The following NEGR1 variants were observed in gnomAD, a reference collection of about 807,000 sequenced individuals.
NEGR1 encodes neuronal growth regulator 1.
Under a neutral mutation model 40.9 loss-of-function variants are expected in NEGR1, and 10 were observed. That is an observed-to-expected ratio of 0.24 (90% CI 0.15 to 0.42). NEGR1 has a LOEUF of 0.42. Among genes scored for constraint, NEGR1 ranks in the 10% least tolerant of loss-of-function variants. NEGR1 has a pLI of 1.00. For missense variants in NEGR1, 352 were observed against 438.9 expected (o/e 0.80, Z 1.77); for synonymous variants, 185 against 166.8 (o/e 1.11, Z -0.84).
At chr1:71,853,578 T>TA (rs1006030872) in intron 2 of NEGR1, among the ~76,000 whole-genome samples, 2 of 151,710 alleles carry the variant, frequency 1.3e-5, no homozygotes, top group Non-Finnish European at 2.9e-5. Flanking sequence ...TCAGAGTAGT[T>TA]AAAAAAAAGG....
chr1:72,009,026 A>C (rs1048789573), intron 1 of NEGR1, among the ~76,000 whole-genome samples: 2 of 151,908 alleles, frequency 1.3e-5, no homozygotes, highest in Admixed American at 1.3e-4. Flanking sequence ...AAAAGAAAGA[A>C]AGAAGGGGGA....
At chr1:71,980,949 A>C (rs1646349326) in intron 1 of NEGR1, among the ~76,000 whole-genome samples, 1 of 152,070 alleles carries the variant, frequency 6.6e-6, no homozygotes, top group Non-Finnish European at 1.5e-5. Context: ...TGATCCCTTC[A>C]AAAAAGTTTT....
intron 6 of NEGR1, among the ~76,000 whole-genome samples, chr1:71,485,667 C>T (rs1308506227): frequency 1.3e-5 from 2 of 151,618 alleles, no homozygotes; most frequent in African/African-American, 4.8e-5. Context: ...TCTAGAATGA[C>T]ATATAGTAGG....
intron 6 of NEGR1, among the ~76,000 whole-genome samples, chr1:71,546,755 C>G (rs1430703508): frequency 6.6e-6 from 1 of 151,614 alleles, no homozygotes; most frequent in East Asian, 2.0e-4. Flanking sequence ...GTACTTAATA[C>G]TTAAGCAGTG....
chr1:72,079,405 C>T (rs1294021236), intron 1 of NEGR1, among the ~76,000 whole-genome samples: 1 of 151,772 alleles, frequency 6.6e-6, no homozygotes, highest in Non-Finnish European at 1.5e-5. Context: ...TATCAAAAGT[C>T]CATAGGAAAA....
At chr1:71,464,009 A>G (rs1646729696) in intron 6 of NEGR1, among the ~76,000 whole-genome samples, 1 of 152,178 alleles carries the variant, frequency 6.6e-6, no homozygotes, top group Non-Finnish European at 1.5e-5. Context: ...AAAAGGTTGG[A>G]GTTAGACTCA....
intron 2 of NEGR1, among the ~76,000 whole-genome samples, chr1:71,920,137 C>T (rs1193503739): frequency 6.6e-6 from 1 of 152,200 alleles, no homozygotes; most frequent in Non-Finnish European, 1.5e-5. Flanking sequence ...CCATCTCCAG[C>T]TCCGAGGAGC....
intron 6 of NEGR1, among the ~76,000 whole-genome samples, chr1:71,495,695 G>A (rs1646958715): frequency 6.6e-6 from 1 of 152,024 alleles, no homozygotes. Flanking sequence ...TGGATATTTA[G>A]CAATCTTGTA....
At chr1:72,030,790 T>G (rs1049932915) in intron 1 of NEGR1, among the ~76,000 whole-genome samples, 1 of 152,182 alleles carries the variant, frequency 6.6e-6, no homozygotes, top group Admixed American at 6.5e-5. Flanking sequence ...TTGGAAAAGA[T>G]GACAGAAATA....
chr1:71,597,786 G>A (rs554953863), intron 5 of NEGR1, among the ~76,000 whole-genome samples: 7 of 151,746 alleles, frequency 4.6e-5, no homozygotes, highest in South Asian at 2.1e-4. Flanking sequence ...CCCAGTGGGC[G>A]CCTGTAGTCC....
At chr1:72,235,902 A>G (rs934079096) in intron 1 of NEGR1, among the ~76,000 whole-genome samples, 11 of 152,108 alleles carry the variant, frequency 7.2e-5, no homozygotes, top group African/African-American at 2.7e-4. Context: ...TATTTATGAA[A>G]GTGAATTTTT....
chr1:72,017,574 T>C (rs1253182101), intron 1 of NEGR1, among the ~76,000 whole-genome samples: 1 of 152,094 alleles, frequency 6.6e-6, no homozygotes, highest in Non-Finnish European at 1.5e-5. Context: ...GCCCAGGATA[T>C]CCCAGAGCTA....
intron 6 of NEGR1, among the ~76,000 whole-genome samples, chr1:71,490,569 G>A (rs1158037238): frequency 1.3e-5 from 2 of 151,978 alleles, no homozygotes; most frequent in South Asian, 4.2e-4. Context: ...CATTCTATGC[G>A]ATGCCATACC....
chr1:71,491,259 C>T (rs554596227), intron 6 of NEGR1, among the ~76,000 whole-genome samples: 8 of 152,026 alleles, frequency 5.3e-5, no homozygotes, highest in African/African-American at 1.4e-4. Context: ...CAAGAGGATG[C>T]GCACAGGTTA....
intron 1 of NEGR1, among the ~76,000 whole-genome samples, chr1:72,204,923 T>C (rs1248804762): frequency 1.3e-5 from 2 of 152,100 alleles, no homozygotes; most frequent in African/African-American, 4.8e-5. Context: ...ATCACATTGT[T>C]AGATATGGAA....
intron 3 of NEGR1, among the ~76,000 whole-genome samples, chr1:71,705,331 G>T (rs2101636510): frequency 6.6e-6 from 1 of 152,174 alleles, no homozygotes; most frequent in Non-Finnish European, 1.5e-5. Context: ...TTGTGACTCT[G>T]GGTTGAGCTA....
chr1:71,812,085 C>T (rs1658024001), intron 2 of NEGR1, among the ~76,000 whole-genome samples: 1 of 151,954 alleles, frequency 6.6e-6, no homozygotes, highest in African/African-American at 2.4e-5. Flanking sequence ...GTGTGTTGTT[C>T]CCCTCCCTGT....
At chr1:71,441,061 T>C (rs1369166504) in intron 6 of NEGR1, among the ~76,000 whole-genome samples, 1 of 152,152 alleles carries the variant, frequency 6.6e-6, no homozygotes, top group South Asian at 2.1e-4. Flanking sequence ...AAATGACAGA[T>C]GAATTTCAAG....
chr1:72,076,966 C>T lies in NEGR1; in HGVS notation c.177-141655G>A, dbSNP rs527810474. ...CTGCAGTGCAGTGGCACAATCTTGG[C>T]TCACTGCAACCTCCGCCCCCTGGGT... is the stretch of plus-strand genomic sequence containing the variant. On this transcript the variant is annotated intron_variant, in intron 1 of 6. Transcript: ENST00000357731. Among the ~76,000 whole-genome samples, 9 of 133,052 alleles carry T rather than the reference C, an allele frequency of 6.8e-5. No homozygotes were observed. In the Admixed American group the frequency reaches 7.8e-4, roughly 12 times the overall value. 87.3% of individuals were successfully genotyped at this position (133,052 alleles called of 152,430 possible).
Sources: gnomAD v4.1 joint callset for allele counts (sites outside exome capture counted in the v4.1 genomes callset) on GRCh38, gnomAD v4.1.1 for gene constraint, MANE v1.5 for transcripts, NCBI Gene and HGNC (gene_info 2026-07-23, HGNC 2026-07-21) for gene names.